MAML2: variants seen among roughly 807,000 people sequenced by gnomAD.
MAML2 encodes the protein mastermind-like protein 2.
MAML2 carries 22 observed loss-of-function variants against 96.1 expected under a neutral mutation model. That is an observed-to-expected ratio of 0.23 (90% CI 0.16 to 0.33). MAML2 has a LOEUF of 0.33. Ranked by LOEUF, MAML2 falls within the 10% of genes least tolerant of loss-of-function variation. The probability of loss-of-function intolerance (pLI) is 1.00; values close to 1 mark genes in which losing one functional copy is unlikely to be tolerated. For synonymous variants in MAML2, 561 were observed against 521.3 expected (o/e 1.08, Z -1.04); for missense variants, 1,367 against 1,392.4 (o/e 0.98, Z 0.29).
intron 1 of MAML2, among the ~76,000 whole-genome samples, chr11:96,337,645 T>G (rs2136021669): frequency 6.6e-6 from 1 of 152,316 alleles, no homozygotes. Flanking sequence ...GTCAGTCTTA[T>G]CTTGACAGCA....
Position 96,040,798 on chromosome 11 carries a change from G to T in MAML2, c.2140-49075C>A, listed in dbSNP as rs544822067. ...AAACAAAACAAAAGAAACCTCCTGT[G>T]TACTTCTCATAACTAACCACCCTGC... On this transcript the variant is annotated intron_variant, in intron 2 of 4. Coordinates refer to ENST00000524717, the MANE Select transcript of MAML2 (RefSeq NM_032427.4). Among the ~76,000 whole-genome samples the T allele has an allele frequency of 5.8e-4, 88 of 152,160 alleles. 1 individual carries two copies. Among genetic ancestry groups the T allele is most frequent in the Non-Finnish European group, 1.0e-3 (71 of 67,960 alleles).
chr11:95,994,304 A>G (rs940669489), intron 2 of MAML2, among the ~76,000 whole-genome samples: 1 of 152,192 alleles, frequency 6.6e-6, no homozygotes, highest in Non-Finnish European at 1.5e-5. Context: ...TAAGGAAACC[A>G]TCCTCTAATA....
chr11:96,032,946 T>C (rs1391051403), intron 2 of MAML2, among the ~76,000 whole-genome samples: 2 of 152,194 alleles, frequency 1.3e-5, no homozygotes, highest in African/African-American at 4.8e-5. Flanking sequence ...TATTAATAGA[T>C]TGTGGTTATG....
chr11:96,016,800 G>A (rs1207218186), intron 2 of MAML2, among the ~76,000 whole-genome samples: 2 of 152,110 alleles, frequency 1.3e-5, no homozygotes, highest in African/African-American at 4.8e-5. Flanking sequence ...TTTCAATTTA[G>A]AGTGCTTTCG....
intron 1 of MAML2, among the ~76,000 whole-genome samples, chr11:96,125,401 A>T (rs56060117): frequency 0.012 from 1,809 of 152,198 alleles, 43 homozygotes; most frequent in African/African-American, 0.041. Flanking sequence ...GAGAGGCATG[A>T]GGTGACATCT....
chr11:96,006,774 G>A (rs1400957702), intron 2 of MAML2, among the ~76,000 whole-genome samples: 1 of 151,148 alleles, frequency 6.6e-6, no homozygotes, highest in Non-Finnish European at 1.5e-5. Flanking sequence ...TGGGCAGGCT[G>A]GTTTCAAAGT....
chr11:96,208,091 GATTT>G (rs1565249054), intron 1 of MAML2, among the ~76,000 whole-genome samples: 2 of 152,042 alleles, frequency 1.3e-5, no homozygotes, highest in Admixed American at 6.6e-5. Context: ...TTTTAAAAAA[GATTT>G]ATTTTCTGTA....
intron 1 of MAML2, among the ~76,000 whole-genome samples, chr11:96,246,109 T>G (rs1383946829): frequency 6.6e-6 from 1 of 152,094 alleles, no homozygotes; most frequent in Non-Finnish European, 1.5e-5. Context: ...ATGGTCCCTA[T>G]GCTGGAAAGA....
intron 1 of MAML2, among the ~76,000 whole-genome samples, chr11:96,286,879 A>G (rs1863147904): frequency 6.6e-6 from 1 of 152,174 alleles, no homozygotes; most frequent in Admixed American, 6.5e-5. Flanking sequence ...AGCAATTTAA[A>G]CTTATATTTA....
At position 96,093,500 on chromosome 11, in the gene MAML2, T is replaced by A. The variant is rs1430045408; in HGVS notation, c.531A>T (p.Lys177Asn). Residue 177 changes from lysine (K) to asparagine (N), a missense_variant, in exon 2 of 5, where the codon AAA becomes AAT. By Grantham distance (94) the Lys-to-Asn change is moderately conservative. Coordinates refer to ENST00000524717, the MANE Select transcript of MAML2 (RefSeq NM_032427.4). ...SALIALQGSL[K>N]RKQVVNLSPA... ...GAGATAGGTTAACTACCTGTTTTCT[T>A]TTCAAGGAACCCTGGAGCTGAAAGA... The A allele has an allele frequency of 1.9e-6, 3 of 1,604,126 alleles. No homozygotes were observed. Among genetic ancestry groups the A allele is most frequent in the Non-Finnish European group, 2.6e-6 (3 of 1,175,768 alleles).
intron 1 of MAML2, among the ~76,000 whole-genome samples, chr11:96,124,096 CAA>C (rs11464319): frequency 5.2e-5 from 5 of 96,374 alleles, no homozygotes; most frequent in Non-Finnish European, 1.9e-5. Flanking sequence ...AACTCTGTCT[CAA>C]AAAAAAAAAA....
chr11:96,164,060 A>G (rs1235885602), intron 1 of MAML2, among the ~76,000 whole-genome samples: 2 of 151,738 alleles, frequency 1.3e-5, no homozygotes, highest in Non-Finnish European at 2.9e-5. Flanking sequence ...TTTTTAGTAA[A>G]GATGGGGATT....
intron 1 of MAML2, among the ~76,000 whole-genome samples, chr11:96,232,903 A>G (rs545027109): frequency 2.6e-5 from 4 of 152,346 alleles, no homozygotes; most frequent in African/African-American, 9.6e-5. Flanking sequence ...ATGAAACCTG[A>G]AAATTGATGA....
intron 1 of MAML2, among the ~76,000 whole-genome samples, chr11:96,165,706 T>C (rs1424216253): frequency 6.6e-6 from 1 of 152,216 alleles, no homozygotes; most frequent in African/African-American, 2.4e-5. Context: ...TCCTCTGAGG[T>C]TATACATAAT....
At chr11:96,275,125 C>T (rs765218704) in intron 1 of MAML2, among the ~76,000 whole-genome samples, 49 of 151,936 alleles carry the variant, frequency 3.2e-4, no homozygotes, top group Non-Finnish European at 5.3e-4. Context: ...GGTTACTTGC[C>T]CCTTTCTGCT....
At chr11:96,112,556 A>G (rs955950859) in intron 1 of MAML2, among the ~76,000 whole-genome samples, 2 of 152,246 alleles carry the variant, frequency 1.3e-5, no homozygotes, top group Non-Finnish European at 2.9e-5. Flanking sequence ...AGATCATTTC[A>G]GTCTACGAAG....
At chr11:95,981,227 T>C (rs542991789) in intron 4 of MAML2, among the ~76,000 whole-genome samples, 40 of 152,258 alleles carry the variant, frequency 2.6e-4, no homozygotes, top group Admixed American at 7.2e-4. Flanking sequence ...AGCCTGGTTT[T>C]AGCTGAACTA....
chr11:96,341,311 G>A (rs913065852), intron 1 of MAML2, 72 bp downstream of exon 1: 3 of 1,453,948 alleles, frequency 2.1e-6, no homozygotes, highest in Non-Finnish European at 2.7e-6. Flanking sequence ...TCTACCTTAG[G>A]CCAAAGCAAA....
At position 96,042,744 on chromosome 11, in the gene MAML2, CTTTTTTTTTTT is replaced by C. The variant is rs767509829; in HGVS notation, c.2139+49137_2139+49147del. Among the ~76,000 whole-genome samples the C allele has an allele frequency of 4.5e-3, 522 of 116,230 alleles. 4 individuals carry two copies. The highest frequency in any genetic ancestry group is 0.015 in the African/African-American group (463 of 29,954). 76.3% of individuals were successfully genotyped at this position (116,230 alleles called of 152,430 possible). A position where few individuals can be genotyped will look rare whatever the true frequency, so the allele number is the denominator to read the frequency against. On this transcript the variant is annotated intron_variant, in intron 2 of 4. Transcript: ENST00000524717. ...TTGTTACCAACCAATCGTTAACGTT[CTTTTTTTTTTT>C]TTTTTTTGCGACGGAGTCTAGCTCT...
Sources: gnomAD v4.1 joint callset for allele counts (sites outside exome capture counted in the v4.1 genomes callset) on GRCh38, gnomAD v4.1.1 for gene constraint, MANE v1.5 for transcripts, NCBI Gene and HGNC (gene_info 2026-07-23, HGNC 2026-07-21) for gene names.